The following MSH6 variants were observed in gnomAD, a reference collection of about 807,000 sequenced individuals.
MSH6 encodes DNA mismatch repair protein Msh6.
A neutral mutation model predicts 119.1 loss-of-function variants in MSH6; 85 were observed. The ratio of observed to expected loss-of-function variants is 0.71; its 90% CI spans 0.60 to 0.85. The LOEUF (loss-of-function observed/expected upper bound fraction) is 0.85. Ranked by LOEUF, MSH6 falls within the 40% of genes least tolerant of loss-of-function variation. MSH6 has a pLI of 0.00. For missense variants in MSH6, 2,163 were observed against 1,655.3 expected (o/e 1.31, Z -5.32); for synonymous variants, 830 against 586.9 (o/e 1.41, Z -5.99).
chr2:47,794,187 A>C lies in MSH6; in HGVS notation c.458-1707A>C, dbSNP rs1181922882. ...GAAACCCTGTCTCTACTAAAAATAC[A>C]AAAATTAGCCAGGCATGGTGACACA... On this transcript the variant is annotated intron_variant, in intron 2 of 9. Coordinates refer to ENST00000234420, the MANE Select transcript of MSH6 (RefSeq NM_000179.3). Among the ~76,000 whole-genome samples the C allele has an allele frequency of 3.3e-5, 5 of 151,698 alleles. No individual in the cohort carries two copies. The East Asian group carries it at 8.3e-4, about 25-fold the overall frequency.
downstream of MSH6, chr2:47,809,648 G>T: frequency 6.2e-7 from 1 of 1,613,422 alleles, no homozygotes; most frequent in Non-Finnish European, 8.5e-7. Flanking sequence ...CCTCCAAACC[G>T]GTTGTTAAAA....
intron 1 of MSH6, among the ~76,000 whole-genome samples, chr2:47,786,438 G>A (rs993625164): frequency 6.6e-6 from 1 of 151,756 alleles, no homozygotes; most frequent in Non-Finnish European, 1.5e-5. Flanking sequence ...GGGTTCCAGC[G>A]ATTCTCCTGC....
At position 47,799,398 on chromosome 2, in the gene MSH6, C is replaced by G. The variant is rs864622741; in HGVS notation, c.1415C>G (p.Ser472Cys). The G allele has an allele frequency of 2.5e-6, 4 of 1,614,094 alleles. No homozygotes were observed. The African/African-American group carries it at 4.0e-5, about 16-fold the overall frequency. Residue 472 changes from serine (S) to cysteine (C), a missense_variant, in exon 4 of 10, where the codon TCC (serine) becomes TGC (cysteine). Physicochemically the swap from Ser to Cys is moderately radical, Grantham distance 112 (BLOSUM62 -1). Transcript: ENST00000234420. The stretch of plus-strand genomic sequence containing the variant: ...ATTGCATTTGGCCGTTATTCAGATT[C>G]CCTGGTGCAGAAGGGCTATAAAGTA... ...PEIAFGRYSD[S>C]LVQKGYKVAR...
At chr2:47,806,402 G>C (rs2104548731) in intron 8 of MSH6, 44 bp downstream of exon 8, 1 of 1,612,440 alleles carries the variant, frequency 6.2e-7, no homozygotes, top group Non-Finnish European at 8.5e-7. Flanking sequence ...TTTTTTGAGA[G>C]GGCACTTCTC....
At chr2:47,807,872 TTTC>T, downstream of MSH6, 1 of 365,272 alleles carries the variant, frequency 2.7e-6, no homozygotes, top group Non-Finnish European at 5.0e-6. Flanking sequence ...TGCAGCTTAT[TTTC>T]TTCACTTCTG....
chr2:47,799,763 G>A lies in MSH6; in HGVS notation c.1780G>A (p.Val594Ile), dbSNP rs757029447. The A allele has an allele frequency of 6.2e-7, 1 of 1,614,154 alleles. No individual in the cohort carries two copies. The highest frequency in any genetic ancestry group is 1.7e-5 in the Admixed American group (1 of 60,006). Residue 594 changes from valine to isoleucine, a missense_variant, in exon 4 of 10, where the codon GTT becomes ATT. Transcript: ENST00000234420. The part of the protein sequence containing the change: ...TLVAHYPPVQ[V>I]LFEKGNLSKE... ...AGTGGCACACTATCCCCCAGTACAA[G>A]TTTTATTTGAAAAAGGAAATCTCTC...
intron 1 of MSH6, among the ~76,000 whole-genome samples, chr2:47,786,577 A>G (rs1668364571): frequency 1.3e-5 from 2 of 151,982 alleles, no homozygotes. Flanking sequence ...CAGGTGATCC[A>G]CCCACCTCAG....
At chr2:47,796,824 G>A (rs1669127270) in intron 3 of MSH6, among the ~76,000 whole-genome samples, 1 of 152,112 alleles carries the variant, frequency 6.6e-6, no homozygotes, top group Non-Finnish European at 1.5e-5. Flanking sequence ...AGCTGGGCGT[G>A]GTGGCACACA....
chr2:47,788,570 C>CTT (rs531963943), intron 1 of MSH6, among the ~76,000 whole-genome samples: 21 of 104,884 alleles, frequency 2.0e-4, no homozygotes, highest in Admixed American at 3.2e-4. Flanking sequence ...TTTTCTTTTT[C>CTT]TTTTTTTTTT....
Position 47,800,056 on chromosome 2 carries a change from CA to C in MSH6, c.2079del (p.Lys693AsnfsTer43), listed in dbSNP as rs267608083. 6.2e-7 allele frequency: 1 copy of C among 1,614,000 alleles called. No homozygotes were observed. The highest frequency in any genetic ancestry group is 8.5e-7 in the Non-Finnish European group (1 of 1,179,988). On this transcript the variant is annotated frameshift_variant, in exon 4 of 10. Coordinates refer to ENST00000234420, the MANE Select transcript of MSH6 (RefSeq NM_000179.3). LOFTEE classifies it high-confidence loss of function. Reference sequence around the variant, plus strand: ...CTCTAGGTGGTTGTGTCTTCTACCTCAAAAAATGCCTTATTGATCAGGAGCT... The same window carrying C: ...CTCTAGGTGGTTGTGTCTTCTACCTCAAAAATGCCTTATTGATCAGGAGCT... ...SALGGCVFYLKKCLIDQELLS... is the reference protein window; with the variant it reads ...SALGGCVFYLXKCLIDQELLS...
intron 1 of MSH6, among the ~76,000 whole-genome samples, chr2:47,790,194 G>A (rs1024723438): frequency 9.2e-5 from 14 of 152,178 alleles, no homozygotes; most frequent in African/African-American, 2.9e-4. Flanking sequence ...GGCCAAGGCG[G>A]GTGAATCATT....
chr2:47,794,497 C>A (rs567016813), intron 2 of MSH6, among the ~76,000 whole-genome samples: 1 of 151,944 alleles, frequency 6.6e-6, no homozygotes, highest in Admixed American at 6.6e-5. Context: ...TCTTTAAACT[C>A]GTGACCTGAA....
rs758170249 is a variant in MSH6, at chr2:47,800,491, C to T, written c.2508C>T (p.Asn836=). The T allele has an allele frequency of 2.4e-5, 39 of 1,612,842 alleles. No individual in the cohort carries two copies. Among genetic ancestry groups the T allele is most frequent in the Non-Finnish European group, 2.9e-5 (34 of 1,179,736 alleles). The change falls in exon 4 of 10, where the codon AAC becomes AAT. Residue 836 remains asparagine (N), a synonymous_variant. Coordinates refer to ENST00000234420, the MANE Select transcript of MSH6 (RefSeq NM_000179.3). ...HNVGSPLKSQ[N]HPDSRAIMYE... ...TTGGGTCTCCCCTGAAGAGTCAGAACCACCCAGACAGCAGGGCTATAATGT... is the reference window on the plus strand; with the variant it reads ...TTGGGTCTCCCCTGAAGAGTCAGAATCACCCAGACAGCAGGGCTATAATGT...
rs557578923 is a variant in MSH6 at position 47,790,873 on chromosome 2, T to A, written c.261-54T>A. 8 of 1,548,840 alleles carry A rather than the reference T, an allele frequency of 5.2e-6. No individual in the cohort carries two copies. In the East Asian group the frequency reaches 1.6e-4, roughly 30 times the overall value. On this transcript the variant is annotated intron_variant, in intron 1 of 9. Transcript: ENST00000234420. Reference sequence around the variant, plus strand: ...ATTGTTTATTTGTAGGTAACTGCCTTTAAGGAAACTTGACCAAATATTAAC... The same window carrying A: ...ATTGTTTATTTGTAGGTAACTGCCTATAAGGAAACTTGACCAAATATTAAC...
Position 47,806,510 on chromosome 2 carries a change from A to G in MSH6, c.3860A>G (p.Tyr1287Cys), listed in dbSNP as rs2104556282. The G allele has an allele frequency of 6.2e-7, 1 of 1,614,082 alleles. No homozygotes were observed. Among genetic ancestry groups the G allele is most frequent in the Non-Finnish European group, 8.5e-7 (1 of 1,179,976 alleles). ...DPSQETITFL[Y>C]KFIKGACPKS... ...AGCCAGGAGACTATTACGTTCCTCT[A>G]TAAATTCATTAAGGGAGCTTGTCCT... Residue 1287 changes from tyrosine (Y) to cysteine (C), a missense_variant, in exon 9 of 10, where the codon TAT (tyrosine) becomes TGT (cysteine). Transcript: ENST00000234420.
At chr2:47,808,735 A>C, downstream of MSH6, 1 of 326,446 alleles carries the variant, frequency 3.1e-6, no homozygotes, top group Non-Finnish European at 5.6e-6. Context: ...AAACTGTCAC[A>C]GTGACTGGGA....
At chr2:47,804,674 GGTT>G (rs1669847198) in intron 5 of MSH6, among the ~76,000 whole-genome samples, 2 of 152,156 alleles carry the variant, frequency 1.3e-5, no homozygotes. Flanking sequence ...TAGGGTAGTG[GGTT>G]GGTAAGCAGG....
In MSH6 at chr2:47,806,311, TTAG is replaced by T. The variant is rs1670059017; in HGVS notation, c.3758_3760del (p.Val1253del). 1 of 1,614,138 alleles carries T rather than the reference TTAG, an allele frequency of 6.2e-7. No individual in the cohort carries two copies. The highest frequency in any genetic ancestry group is 8.5e-7 in the Non-Finnish European group (1 of 1,179,988). On this transcript the variant is annotated inframe_deletion, in exon 8 of 10. Coordinates refer to ENST00000234420, the MANE Select transcript of MSH6 (RefSeq NM_000179.3). ...ATTATTTTCAACTCACTACCATTCA[TTAG>T]TAGAAGATTATTCTCAAAATGTTGC... is the stretch of plus-strand genomic sequence containing the variant.
intron 2 of MSH6, 126 bp from the exon 3 acceptor site, chr2:47,795,768 G>T: frequency 4.9e-6 from 4 of 823,684 alleles, no homozygotes; most frequent in Non-Finnish European, 8.1e-6. Context: ...ACCACACCTG[G>T]CATATATATA....
Sources: gnomAD v4.1 joint callset for allele counts (sites outside exome capture counted in the v4.1 genomes callset) on GRCh38, gnomAD v4.1.1 for gene constraint, MANE v1.5 for transcripts, NCBI Gene and HGNC (gene_info 2026-07-23, HGNC 2026-07-21) for gene names.